The following ZNF385B variants were observed in gnomAD, a reference collection of about 807,000 sequenced individuals.
ZNF385B encodes zinc finger protein 533.
Under a neutral mutation model 39.2 loss-of-function variants are expected in ZNF385B, and 23 were observed. The ratio of observed to expected loss-of-function variants is 0.59; its 90% confidence interval spans 0.42 to 0.83. ZNF385B has a LOEUF of 0.83. ZNF385B is among the 40% of genes least tolerant of loss of function. ZNF385B has a pLI of 0.00. For synonymous variants in ZNF385B, 205 were observed against 222.6 expected (o/e 0.92, Z 0.70); for missense variants, 552 against 598.9 (o/e 0.92, Z 0.82).
At chr2:179,493,743 AT>A (rs2055725413) in intron 5 of ZNF385B, among the ~76,000 whole-genome samples, 1 of 141,378 alleles carries the variant, frequency 7.1e-6, no homozygotes, top group South Asian at 2.2e-4. Flanking sequence ...ATATGTATAC[AT>A]ATGTGTATAT....
At chr2:179,719,306 A>G (rs538805192) in intron 3 of ZNF385B, among the ~76,000 whole-genome samples, 1 of 152,266 alleles carries the variant, frequency 6.6e-6, no homozygotes, top group South Asian at 2.1e-4. Context: ...CACAATACCT[A>G]TGAACCCCTT....
intron 5 of ZNF385B, among the ~76,000 whole-genome samples, chr2:179,504,595 A>C (rs542587758): frequency 6.7e-6 from 1 of 150,160 alleles, no homozygotes; most frequent in Non-Finnish European, 1.5e-5. Flanking sequence ...GGTATCTCAT[A>C]GTGGTTTTGA....
intron 3 of ZNF385B, among the ~76,000 whole-genome samples, chr2:179,721,724 A>G (rs979024991): frequency 6.6e-6 from 1 of 152,104 alleles, no homozygotes; most frequent in Non-Finnish European, 1.5e-5. Flanking sequence ...ATTTCATAAT[A>G]TTTATAGGAT....
intron 3 of ZNF385B, among the ~76,000 whole-genome samples, chr2:179,689,694 C>T (rs1168487491): frequency 6.6e-6 from 1 of 152,098 alleles, no homozygotes; most frequent in Non-Finnish European, 1.5e-5. Context: ...TCAGTGCCTC[C>T]TTTCTGCTCT....
chr2:179,711,680 T>C (rs1352898834), intron 3 of ZNF385B, among the ~76,000 whole-genome samples: 1 of 152,080 alleles, frequency 6.6e-6, no homozygotes, highest in South Asian at 2.1e-4. Flanking sequence ...ATCAAGGCCC[T>C]TTGTTTTGGG....
At chr2:179,774,216 G>A (rs1704178216) in intron 1 of ZNF385B, among the ~76,000 whole-genome samples, 1 of 151,758 alleles carries the variant, frequency 6.6e-6, no homozygotes, top group African/African-American at 2.4e-5. Context: ...TGTGTGGGAT[G>A]TACGGGGAGT....
At chr2:179,494,625 C>A (rs1229009627) in intron 5 of ZNF385B, among the ~76,000 whole-genome samples, 1 of 151,530 alleles carries the variant, frequency 6.6e-6, no homozygotes, top group Non-Finnish European at 1.5e-5. Context: ...TTTTAAAAAT[C>A]TATGTAAAAC....
chr2:179,728,155 A>T (rs1701142560), intron 3 of ZNF385B, among the ~76,000 whole-genome samples: 1 of 152,130 alleles, frequency 6.6e-6, no homozygotes, highest in South Asian at 2.1e-4. Context: ...AACCCTCTGA[A>T]TGTAGTTATC....
At chr2:179,804,997 C>A (rs150329426) in intron 1 of ZNF385B, among the ~76,000 whole-genome samples, 3 of 152,312 alleles carry the variant, frequency 2.0e-5, no homozygotes, top group Non-Finnish European at 4.4e-5. Flanking sequence ...TGACACTCTT[C>A]TCATCAAGAG....
At chr2:179,615,674 G>GTTTT (rs1026611480) in intron 3 of ZNF385B, among the ~76,000 whole-genome samples, 1 of 152,184 alleles carries the variant, frequency 6.6e-6, no homozygotes, top group African/African-American at 2.4e-5. Flanking sequence ...ATAGAACAGT[G>GTTTT]TTTTTAGCAC....
intron 3 of ZNF385B, among the ~76,000 whole-genome samples, chr2:179,577,681 CA>C (rs1211121723): frequency 1.3e-5 from 2 of 151,622 alleles, no homozygotes; most frequent in Non-Finnish European, 2.9e-5. Flanking sequence ...TCGCTTTTTA[CA>C]AAAGTTTGGA....
intron 6 of ZNF385B, among the ~76,000 whole-genome samples, chr2:179,469,177 C>G (rs1574297110): frequency 6.6e-6 from 1 of 152,080 alleles, no homozygotes; most frequent in African/African-American, 2.4e-5. Flanking sequence ...CTTGCTTTCA[C>G]TTTTTTCTAA....
At chr2:179,662,358 ATT>A (rs202113925) in intron 3 of ZNF385B, among the ~76,000 whole-genome samples, 65 of 139,216 alleles carry the variant, frequency 4.7e-4, no homozygotes, top group Admixed American at 5.1e-4. Context: ...TTTATGGGTA[ATT>A]TTTTTTTTTT....
intron 5 of ZNF385B, among the ~76,000 whole-genome samples, chr2:179,484,054 T>C (rs2054300573): frequency 6.6e-6 from 1 of 152,170 alleles, no homozygotes; most frequent in African/African-American, 2.4e-5. Flanking sequence ...GTTTCTGATC[T>C]CAGATGTGAT....
intron 3 of ZNF385B, among the ~76,000 whole-genome samples, chr2:179,615,612 A>C (rs1248625298): frequency 2.0e-5 from 3 of 152,238 alleles, no homozygotes; most frequent in African/African-American, 4.8e-5. Context: ...CTGCACAGAA[A>C]TTTTTGAAAA....
At chr2:179,614,462 A>G (rs1332858158) in intron 3 of ZNF385B, among the ~76,000 whole-genome samples, 3 of 152,222 alleles carry the variant, frequency 2.0e-5, no homozygotes, top group Non-Finnish European at 4.4e-5. Context: ...TAATTTTAAC[A>G]TTTAAACTTC....
chr2:179,443,318 C>A lies in ZNF385B; in HGVS notation c.1393G>T (p.Ala465Ser). ...GGCCCATGCCCAGGCCTCAGAAGAG[C>A]TGGAGGAATGGCTGGAGCCTGGAAG... Reference protein sequence around the residue: ...SLFQAPAIPPALLRPGHGPIR... With the variant: ...SLFQAPAIPPSLLRPGHGPIR... Residue 465 changes from alanine (A) to serine (S), a missense_variant, in exon 10 of 10, where the codon GCT (alanine) becomes TCT (serine). Transcript: ENST00000410066. 1.2e-6 allele frequency: 2 copies of A among 1,612,820 alleles called. No homozygotes were observed. The highest frequency in any genetic ancestry group is 1.7e-6 in the Non-Finnish European group (2 of 1,179,896).
chr2:179,821,225 C>G (rs1051142938), intron 1 of ZNF385B, among the ~76,000 whole-genome samples: 1 of 152,158 alleles, frequency 6.6e-6, no homozygotes, highest in East Asian at 1.9e-4. Flanking sequence ...TTCCAACTAT[C>G]TATACCACTT....
chr2:179,449,178 CA>C (rs2049819745), intron 6 of ZNF385B, among the ~76,000 whole-genome samples: 1 of 151,992 alleles, frequency 6.6e-6, no homozygotes, highest in Admixed American at 6.6e-5. Context: ...GACAGTCATT[CA>C]AAGATCTCTA....
Sources: allele counts gnomAD v4.1 joint callset (sites outside exome capture counted in the v4.1 genomes callset), GRCh38; gene constraint gnomAD v4.1.1; transcripts MANE v1.5; gene names NCBI Gene and HGNC (gene_info 2026-07-23, HGNC 2026-07-21).